GMIP: variants seen among roughly 807,000 people sequenced by gnomAD.
GMIP encodes the protein GEM interacting protein, also known as GEM-interacting protein.
GMIP carries 54 observed loss-of-function variants against 105.3 expected under a neutral mutation model. That is an observed-to-expected ratio of 0.51 (90% CI 0.41 to 0.64). The LOEUF is 0.64. Among genes scored for constraint, GMIP ranks in the 30% least tolerant of loss-of-function variants. The pLI, the probability that GMIP is intolerant of heterozygous loss-of-function variation, is 0.00. For missense variants in GMIP, 1,110 were observed against 1,319.4 expected, an observed-to-expected ratio of 0.84 and a Z score of 2.46; for synonymous variants, 541 against 560.8, an observed-to-expected ratio of 0.96 and a Z score of 0.50.
At position 19,643,497 on chromosome 19, in the gene GMIP, C is replaced by T. The variant is rs1016846639; in HGVS notation, c.19+14G>A. On this transcript the variant is annotated intron_variant, in intron 1 of 20. Transcript: ENST00000203556. Reference sequence around the variant, plus strand: ...TGGTCGGGGGAGGCCCCTCCCGGATCCCCGACCCCCTACCCGGCTCTGCTG... The same window carrying T: ...TGGTCGGGGGAGGCCCCTCCCGGATTCCCGACCCCCTACCCGGCTCTGCTG... 3.2e-6 allele frequency: 5 copies of T among 1,546,022 alleles called. No individual in the cohort carries two copies. The highest frequency in any genetic ancestry group is 2.4e-5 in the South Asian group (2 of 83,680).
At chr19:19,639,247 T>A (rs1349386822) in intron 7 of GMIP, among the ~76,000 whole-genome samples, 2 of 151,250 alleles carry the variant, frequency 1.3e-5, no homozygotes, top group African/African-American at 4.9e-5. Flanking sequence ...TAAAAAACTT[T>A]TTTTTTTTTT....
intron 19 of GMIP, among the ~76,000 whole-genome samples, chr19:19,632,001 A>AC (rs2061800970): frequency 7.0e-6 from 1 of 141,848 alleles, no homozygotes; most frequent in African/African-American, 2.7e-5. Context: ...AAAAAAAAAA[A>AC]GATTCTAGGC....
chr19:19,638,622 C>G (rs1379155166), intron 7 of GMIP, 140 bp from the exon 8 acceptor site: 3 of 674,498 alleles, frequency 4.4e-6, no homozygotes, highest in Non-Finnish European at 7.6e-6. Flanking sequence ...GAGTTTTGCT[C>G]TTGTTGCCCA....
In GMIP at chr19:19,634,612, G is replaced by A. The variant is rs1208354054; in HGVS notation, c.1979C>T (p.Thr660Ile). The part of the protein sequence containing the change: ...LHADPGDDPG[T>I]PSPSPEVIRS... ...GATAACCTCAGGGCTGGGGCTGGGGGTCCCAGGGTCGTCCCCAGGGTCTGC... is the reference window on the plus strand; with the variant it reads ...GATAACCTCAGGGCTGGGGCTGGGGATCCCAGGGTCGTCCCCAGGGTCTGC... Residue 660 changes from threonine to isoleucine, a missense_variant, in exon 18 of 21, where the codon ACC becomes ATC. Thr to Ile is a moderately conservative substitution (Grantham distance 89). Coordinates refer to ENST00000203556, the MANE Select transcript of GMIP (RefSeq NM_016573.4). This position sits in a 1 kb window ranked among gnomAD's most constrained non-coding sequence, Gnocchi z 6.1. 1.9e-6 allele frequency: 3 copies of A among 1,613,634 alleles called. No homozygotes were observed. The South Asian group carries it at 3.3e-5, about 18-fold the overall frequency.
intron 13 of GMIP, among the ~76,000 whole-genome samples, chr19:19,636,134 G>C (rs936856276): frequency 1.3e-5 from 2 of 151,674 alleles, no homozygotes; most frequent in Admixed American, 1.3e-4. Flanking sequence ...AACCTGGGAG[G>C]CGGAGGTTGC....
rs1328080695 is a variant in GMIP, at chr19:19,634,978, G to A, written c.1749+47C>T. 4 of 1,613,158 alleles carry A rather than the reference G, an allele frequency of 2.5e-6. No homozygotes were observed. Among genetic ancestry groups the A allele is most frequent in the Non-Finnish European group, 3.4e-6 (4 of 1,179,412 alleles). On this transcript the variant is annotated intron_variant, in intron 16 of 20. Transcript: ENST00000203556. This position sits in a 1 kb window ranked among gnomAD's most constrained non-coding sequence, Gnocchi z 6.1. ...GACACCTGGTTCGTGATAGGCCATC[G>A]ATTCGGTCAGGTCACTTCTGGGGAT...
chr19:19,639,317 G>A (rs570523882), intron 7 of GMIP, among the ~76,000 whole-genome samples: 2 of 151,006 alleles, frequency 1.3e-5, no homozygotes, highest in Admixed American at 6.6e-5. Context: ...CTGGGCTCAA[G>A]CAATCCTCCC....
rs2061850272 is a variant in GMIP, at chr19:19,635,983, C to A, written c.1328-262G>T. ...CTTTGGGAAGCTGAGGCAGGAGGAT[C>A]ACATGAGGCAAGGAGTTTGACACCA... On this transcript the variant is annotated intron_variant, in intron 13 of 20. Transcript: ENST00000203556. The surrounding 1 kb of genome is among the most constrained non-coding windows in gnomAD (Gnocchi z 4.7). Among the ~76,000 whole-genome samples, 1 of 151,930 alleles carries A rather than the reference C, an allele frequency of 6.6e-6. No individual in the cohort carries two copies. The highest frequency in any genetic ancestry group is 3.2e-3 in the Middle Eastern group (1 of 316).
In GMIP at chr19:19,637,564, G is replaced by A. The variant is rs754008550; in HGVS notation, c.928-3C>T. 9 of 1,516,850 alleles carry A rather than the reference G, an allele frequency of 5.9e-6. No homozygotes were observed. In the South Asian group the frequency reaches 1.1e-4, roughly 19 times the overall value. The allele number at this position is 1,516,850 out of a possible 1,614,324, so 94.0% of individuals were successfully genotyped here. ...AGCCCGAAGAGACTCAGCGTCACCT[G>A]CCGGGTGGAGACAGCAGGTTGGGGA... On this transcript the variant is annotated splice_polypyrimidine_tract_variant and splice_region_variant and intron_variant, in intron 10 of 20. Transcript: ENST00000203556. The surrounding 1 kb of genome is among the most constrained non-coding windows in gnomAD (Gnocchi z 6.7).
chr19:19,636,203 CA>C (rs771568731), intron 13 of GMIP, among the ~76,000 whole-genome samples: 405 of 100,018 alleles, frequency 4.0e-3, no homozygotes, highest in Admixed American at 4.9e-3. Context: ...GACTCTGTCT[CA>C]AAAAAAAAAA....
In GMIP at chr19:19,630,276, C is replaced by A. The variant is rs199807296; in HGVS notation, c.2600G>T (p.Arg867Leu). 6.5e-7 allele frequency: 1 copy of A among 1,548,880 alleles called. No homozygotes were observed. The highest frequency in any genetic ancestry group is 8.7e-7 in the Non-Finnish European group (1 of 1,146,420). Residue 867 changes from arginine to leucine, a missense_variant, in exon 21 of 21, where the codon CGC (arginine) becomes CTC (leucine). Physicochemically the swap from Arg to Leu is moderately radical, Grantham distance 102. This residue lies in a region of GMIP where 394 missense variants were observed against 450.5 expected (regional missense o/e 0.87). Transcript: ENST00000203556. The surrounding 1 kb of genome is among the most constrained non-coding windows in gnomAD (Gnocchi z 4.8). ...LGTQSRGHFS[R>L]QPVKYPRGGV... Reference sequence around the variant, plus strand: ...GCCCCGGGGATACTTCACTGGCTGGCGGCTGAAGTGGCCACGAGACTGTGT... The same window carrying A: ...GCCCCGGGGATACTTCACTGGCTGGAGGCTGAAGTGGCCACGAGACTGTGT...
Position 19,630,433 on chromosome 19 carries a change from AC to A in GMIP, c.2539+37del. On this transcript the variant is annotated intron_variant, in intron 20 of 20. Transcript: ENST00000203556. This position sits in a 1 kb window ranked among gnomAD's most constrained non-coding sequence, Gnocchi z 4.8. ...TAGCAAGCCACCCTGGGGCCAGGGC[AC>A]CCCCAGAACTCCTGAGCCTCTCTCT... The A allele has an allele frequency of 6.2e-7, 1 of 1,606,612 alleles. No individual in the cohort carries two copies. The highest frequency in any genetic ancestry group is 8.5e-7 in the Non-Finnish European group (1 of 1,175,068).
chr19:19,637,837 G>T lies in GMIP; in HGVS notation c.927+83C>A. On this transcript the variant is annotated intron_variant, in intron 10 of 20. Transcript: ENST00000203556. The surrounding 1 kb of genome is among the most constrained non-coding windows in gnomAD (Gnocchi z 6.7). Reference sequence around the variant, plus strand: ...AAATGGCCTAGTCCTGGTGTCTCCAGGGTGGCTTAGGGGCGAGGAGTGGGG... The same window carrying T: ...AAATGGCCTAGTCCTGGTGTCTCCATGGTGGCTTAGGGGCGAGGAGTGGGG... 1 of 1,426,304 alleles carries T rather than the reference G, an allele frequency of 7.0e-7. No homozygotes were observed. The highest frequency in any genetic ancestry group is 9.6e-7 in the Non-Finnish European group (1 of 1,046,250). The allele number at this position is 1,426,304 out of a possible 1,614,324, so 88.4% of individuals were successfully genotyped here. A position where few individuals can be genotyped will look rare whatever the true frequency, so the allele number is the denominator to read the frequency against.
Position 19,633,798 on chromosome 19 carries a change from C to T in GMIP, c.2472+5G>A. 6.9e-7 allele frequency: 1 copy of T among 1,454,778 alleles called. No homozygotes were observed. Among genetic ancestry groups the T allele is most frequent in the Non-Finnish European group, 9.1e-7 (1 of 1,101,198 alleles). The allele number at this position is 1,454,778 out of a possible 1,614,324, so 90.1% of individuals were successfully genotyped here. On this transcript the variant is annotated splice_donor_5th_base_variant and intron_variant, in intron 19 of 20. Transcript: ENST00000203556. ...TCCATAGCTGTGGGCCCAGTGGGTT[C>T]TTACCTCGGTAGGTGTGGCCGTGGG...
chr19:19,633,207 C>T (rs1359647491), intron 19 of GMIP, among the ~76,000 whole-genome samples: 3 of 152,042 alleles, frequency 2.0e-5, no homozygotes, highest in Non-Finnish European at 4.4e-5. Context: ...TACAGGTACA[C>T]ACCACCACAC....
chr19:19,635,292 T>C lies in GMIP; in HGVS notation c.1561-79A>G. ...GAAGGTTACAAGGATCCTCAAGGAA[T>C]GGGGGCTCATGGGAGACATCAGGTT... On this transcript the variant is annotated intron_variant, in intron 15 of 20. Transcript: ENST00000203556. This position sits in a 1 kb window ranked among gnomAD's most constrained non-coding sequence, Gnocchi z 4.7. 1 of 1,516,302 alleles carries C rather than the reference T, an allele frequency of 6.6e-7. No individual in the cohort carries two copies. Among genetic ancestry groups the C allele is most frequent in the African/African-American group, 1.4e-5 (1 of 72,894 alleles). The allele number at this position is 1,516,302 out of a possible 1,614,324, so 93.9% of individuals were successfully genotyped here.
At position 19,642,029 on chromosome 19, in the gene GMIP, C is replaced by G. The variant is rs1289918729; in HGVS notation, c.127G>C (p.Asp43His). 47 of 1,613,354 alleles carry G rather than the reference C, an allele frequency of 2.9e-5. No individual in the cohort carries two copies. The highest frequency in any genetic ancestry group is 3.9e-5 in the Non-Finnish European group (46 of 1,179,514). The change falls in exon 3 of 21, where the codon GAC becomes CAC. Residue 43 changes from aspartate to histidine, a missense_variant. Coordinates refer to ENST00000203556, the MANE Select transcript of GMIP (RefSeq NM_016573.4). ...TCTGGGTCTTCTGAGAGTAGAGGGT[C>G]TCCAGCCAGCATCTCAAGGGTCCTG... ...GNVTLEMLAG[D>H]PLLSEDPEPD...
Position 19,629,762 on chromosome 19 carries a change from G to T in GMIP, c.*201C>A, listed in dbSNP as rs575607273. 6.7e-6 allele frequency: 4 copies of T among 593,950 alleles called. No homozygotes were observed. The highest frequency in any genetic ancestry group is 5.8e-5 in the East Asian group (2 of 34,462). 36.8% of individuals were successfully genotyped at this position (593,950 alleles called of 1,614,324 possible). ...GGCAGTGACCTGTGTCTAGTGGGGG[G>T]ACTCTGGGACATTATCCCCAAAAGG... On this transcript the variant is annotated 3_prime_UTR_variant, in exon 21 of 21. Transcript: ENST00000203556.
chr19:19,637,030 C>G lies in GMIP; in HGVS notation c.1125-1G>C, dbSNP rs543115234. On this transcript the variant is annotated splice_acceptor_variant, in intron 11 of 20. Coordinates refer to ENST00000203556, the MANE Select transcript of GMIP (RefSeq NM_016573.4). LOFTEE classifies it high-confidence loss of function. The surrounding 1 kb of genome is among the most constrained non-coding windows in gnomAD (Gnocchi z 6.7). ...CTTCTTTCTGATGTCCAGAGGGGAG[C>G]TGAGAAGACAGAAGTTTGAAGGTTT... The G allele has an allele frequency of 6.4e-7, 1 of 1,552,460 alleles. No individual in the cohort carries two copies. Among genetic ancestry groups the G allele is most frequent in the African/African-American group, 1.4e-5 (1 of 73,594 alleles).
Sources: allele counts gnomAD v4.1 joint callset (sites outside exome capture counted in the v4.1 genomes callset), GRCh38; gene constraint gnomAD v4.1.1; regional missense constraint gnomAD v4.1.1; non-coding constraint Gnocchi (gnomAD v3.1); transcripts MANE v1.5; gene names NCBI Gene and HGNC (gene_info 2026-07-23, HGNC 2026-07-21).